Variants in VPS13D observed in about 807,000 individuals in gnomAD.
VPS13D encodes intermembrane lipid transfer protein VPS13D.
In VPS13D, 187 loss-of-function variants were observed where a neutral mutation model predicts 461.9. The observed-to-expected ratio is 0.40, with a 90% CI of 0.36 to 0.46. The LOEUF (loss-of-function observed/expected upper bound fraction) is 0.46, where lower values mean the gene tolerates loss of function less well. VPS13D is among the 20% of genes least tolerant of loss of function. The pLI is 0.60. For missense variants in VPS13D, 4,711 were observed against 5,364.9 expected, an observed-to-expected ratio of 0.88 and a Z score of 3.81; for synonymous variants, 1,951 against 1,986.3, an observed-to-expected ratio of 0.98 and a Z score of 0.47.
Position 12,256,448 on chromosome 1 carries a change from G to A in VPS13D, c.785G>A (p.Ser262Asn), listed in dbSNP as rs1287234055. 1 of 1,614,156 alleles carries A rather than the reference G, an allele frequency of 6.2e-7. No individual in the cohort carries two copies. Among genetic ancestry groups the A allele is most frequent in the Non-Finnish European group, 8.5e-7 (1 of 1,180,030 alleles). Residue 262 changes from serine (S) to asparagine (N), a missense_variant, in exon 8 of 70, where the codon AGT becomes AAT. Ser to Asn is a conservative substitution (Grantham distance 46). Coordinates refer to ENST00000620676, the MANE Select transcript of VPS13D (RefSeq NM_015378.4). Reference sequence around the variant, plus strand: ...AAGAAGCCCCTGCGGTCTCGGCACAGTCCCCGTATTGATTGTGATATTCAG... The same window carrying A: ...AAGAAGCCCCTGCGGTCTCGGCACAATCCCCGTATTGATTGTGATATTCAG... ...CSKKPLRSRH[S>N]PRIDCDIQLE...
chr1:12,254,015 A>T (rs1216650552), intron 7 of VPS13D, among the ~76,000 whole-genome samples, 189 bp downstream of exon 7: 4 of 152,136 alleles, frequency 2.6e-5, no homozygotes. Flanking sequence ...AACAATATAT[A>T]GTGCTTTGTT....
rs763265805 is a variant in VPS13D, at chr1:12,382,871, C to T, written c.11191-105C>T. 319 of 1,074,938 alleles carry T rather than the reference C, an allele frequency of 3.0e-4. 1 individual carries two copies. Among genetic ancestry groups the T allele is most frequent in the South Asian group, 4.6e-4 (29 of 62,998 alleles). 66.6% of individuals were successfully genotyped at this position (1,074,938 alleles called of 1,614,324 possible). A position where few individuals can be genotyped will look rare whatever the true frequency, so the allele number is the denominator to read the frequency against. On this transcript the variant is annotated intron_variant, in intron 57 of 69. Transcript: ENST00000620676. ...TTTGTTGCACATTGATCATGACCCT[C>T]CAGAGGAGAATGTAAATTTAGGAAC...
At chr1:12,411,927 T>G (rs1644735492) in intron 63 of VPS13D, among the ~76,000 whole-genome samples, 1 of 152,234 alleles carries the variant, frequency 6.6e-6, no homozygotes, top group Admixed American at 6.5e-5. Flanking sequence ...CCAAGCTCTC[T>G]TGAGGCTCAG....
At position 12,386,307 on chromosome 1, in the gene VPS13D, G is replaced by A. The variant is rs1172681808; in HGVS notation, c.11607G>A (p.Met3869Ile). Residue 3869 changes from methionine (M) to isoleucine (I), a missense_variant, in exon 60 of 70, where the codon ATG becomes ATA. By Grantham distance (10) the Met-to-Ile change is conservative (BLOSUM62 1). Transcript: ENST00000620676. ...ATACACAGCTGGCAACCAGTCACAT[G>A]CTTGAACTCAGCATACAGGATGTAC... is the stretch of plus-strand genomic sequence containing the variant. ...VHYTQLATSH[M>I]LELSIQDVQV... 1.2e-6 allele frequency: 2 copies of A among 1,611,490 alleles called. No individual in the cohort carries two copies. Among genetic ancestry groups the A allele is most frequent in the Non-Finnish European group, 1.7e-6 (2 of 1,178,996 alleles).
chr1:12,398,584 C>G (rs539585565), intron 60 of VPS13D, among the ~76,000 whole-genome samples: 25 of 152,112 alleles, frequency 1.6e-4, no homozygotes, highest in African/African-American at 4.3e-4. Flanking sequence ...TGGTGAACTT[C>G]GATGTGAGAC....
chr1:12,419,129 A>G (rs544381878), intron 65 of VPS13D, among the ~76,000 whole-genome samples: 44 of 152,160 alleles, frequency 2.9e-4, no homozygotes, highest in African/African-American at 9.9e-4. Context: ...CCCTACCCCC[A>G]CCCTCATCCT....
At position 12,355,966 on chromosome 1, in the gene VPS13D, G is replaced by C; in HGVS notation, c.9747G>C (p.Met3249Ile). The C allele has an allele frequency of 6.2e-7, 1 of 1,612,912 alleles. No homozygotes were observed. Among genetic ancestry groups the C allele is most frequent in the Non-Finnish European group, 8.5e-7 (1 of 1,179,350 alleles). The change falls in exon 48 of 70, where the codon ATG becomes ATC. Residue 3249 changes from methionine (M) to isoleucine (I), a missense_variant. This residue lies in a region of VPS13D where 4,411 missense variants were observed against 4,937.8 expected (regional missense o/e 0.89). Transcript: ENST00000620676. The part of the protein sequence containing the change: ...LLIPPGTQNY[M>I]VRMRLYDVNR... ...TTCCACCTGGAACCCAAAACTATAT[G>C]GTGAGAATGCGACTCTATGACGTCA...
At position 12,249,234 on chromosome 1, in the gene VPS13D, A is replaced by C. The variant is rs116415833; in HGVS notation, c.459A>C (p.Gln153His). ...RIVENIELKI[Q>H]DVHLRFEDGV... ...TTTTCTCTTTGCAGTTAAAAATTCA[A>C]GATGTCCATTTACGCTTTGAAGATG... Residue 153 changes from glutamine (Q) to histidine (H), a missense_variant, in exon 6 of 70, where the codon CAA (glutamine) becomes CAC (histidine). Gln to His is a conservative substitution (Grantham distance 24). This residue lies in a region of VPS13D where 4,411 missense variants were observed against 4,937.8 expected (regional missense o/e 0.89). Coordinates refer to ENST00000620676, the MANE Select transcript of VPS13D (RefSeq NM_015378.4). 1.7e-3 allele frequency: 2,684 copies of C among 1,612,106 alleles called. 5 individuals are homozygous for C. The highest frequency in any genetic ancestry group is 3.2e-3 in the Admixed American group (188 of 59,568).
At chr1:12,287,427 G>T (rs1183220697) in intron 21 of VPS13D, among the ~76,000 whole-genome samples, 1 of 151,274 alleles carries the variant, frequency 6.6e-6, no homozygotes, top group Non-Finnish European at 1.5e-5. Flanking sequence ...TACCTACTTT[G>T]TGGCAGGCAC....
At chr1:12,490,633 G>A (rs565894027) in intron 67 of VPS13D, among the ~76,000 whole-genome samples, 3 of 152,228 alleles carry the variant, frequency 2.0e-5, no homozygotes, top group South Asian at 4.2e-4. Flanking sequence ...CCACAGCATG[G>A]TGGGAGCTAC....
chr1:12,378,422 T>C lies in VPS13D; in HGVS notation c.10918-6T>C. 6.3e-7 allele frequency: 1 copy of C among 1,595,692 alleles called. No homozygotes were observed. Among genetic ancestry groups the C allele is most frequent in the Non-Finnish European group, 8.5e-7 (1 of 1,172,116 alleles). ...CTTTCTCTTTTTGCTTGTACCTACTTAACAGGAACCAGGAAAGCGTTCTCA... is the reference window on the plus strand; with the variant it reads ...CTTTCTCTTTTTGCTTGTACCTACTCAACAGGAACCAGGAAAGCGTTCTCA... On this transcript the variant is annotated splice_region_variant and splice_polypyrimidine_tract_variant and intron_variant, in intron 55 of 69. Transcript: ENST00000620676.
chr1:12,498,103 T>C (rs980188724), intron 68 of VPS13D, among the ~76,000 whole-genome samples: 2 of 152,234 alleles, frequency 1.3e-5, no homozygotes, highest in East Asian at 1.9e-4. Flanking sequence ...TGGAGCCTTA[T>C]ATACCTTGTC....
At chr1:12,301,609 T>C (rs1642427540) in intron 25 of VPS13D, among the ~76,000 whole-genome samples, 1 of 152,308 alleles carries the variant, frequency 6.6e-6, no homozygotes, top group East Asian at 1.9e-4. Context: ...CCCCATTGTT[T>C]AGGCTTTTAA....
intron 55 of VPS13D, among the ~76,000 whole-genome samples, chr1:12,377,586 G>A (rs943754620): frequency 6.6e-6 from 1 of 151,634 alleles, no homozygotes; most frequent in Non-Finnish European, 1.5e-5. Flanking sequence ...TTGGGAGGCC[G>A]AGGCAGACAG....
Position 12,277,346 on chromosome 1 carries a change from A to G in VPS13D, c.3758A>G (p.Tyr1253Cys). 6.2e-7 allele frequency: 1 copy of G among 1,614,200 alleles called. No homozygotes were observed. Among genetic ancestry groups the G allele is most frequent in the Non-Finnish European group, 8.5e-7 (1 of 1,180,040 alleles). ...GYENIISDIG[Y>C]FESVFVRMED... ...GAAAATATCATCAGTGATATTGGCT[A>G]CTTTGAATCTGTGTTTGTCAGAATG... Residue 1253 changes from tyrosine (Y) to cysteine (C), a missense_variant, in exon 19 of 70, where the codon TAC becomes TGC. Transcript: ENST00000620676.
intron 48 of VPS13D, 102 bp from the exon 49 acceptor site, chr1:12,356,296 T>A: frequency 6.9e-7 from 1 of 1,459,012 alleles, no homozygotes; most frequent in East Asian, 2.5e-5. Flanking sequence ...ATAGATTCAG[T>A]TTTCACTCTT....
intron 67 of VPS13D, among the ~76,000 whole-genome samples, chr1:12,468,133 T>C (rs1481250486): frequency 6.6e-6 from 1 of 152,248 alleles, no homozygotes; most frequent in Non-Finnish European, 1.5e-5. Flanking sequence ...TGAATTTGTT[T>C]TTAAAACTCT....
chr1:12,289,709 T>C lies in VPS13D; in HGVS notation c.5726-1289T>C, dbSNP rs1228478601. ...TGGCTCACGCCTGTAATCCTAGCACTTTGGGAGGCTGAGGTCAGGAGTTTG... is the reference window on the plus strand; with the variant it reads ...TGGCTCACGCCTGTAATCCTAGCACCTTGGGAGGCTGAGGTCAGGAGTTTG... On this transcript the variant is annotated intron_variant, in intron 22 of 69. Coordinates refer to ENST00000620676, the MANE Select transcript of VPS13D (RefSeq NM_015378.4). Among the ~76,000 whole-genome samples the C allele has an allele frequency of 3.3e-5, 5 of 152,148 alleles. No homozygotes were observed. In the South Asian group the frequency reaches 8.3e-4, roughly 25 times the overall value.
chr1:12,248,736 GTTTATGTGCC>G (rs1640639093), intron 5 of VPS13D, among the ~76,000 whole-genome samples: 1 of 152,180 alleles, frequency 6.6e-6, no homozygotes, highest in Admixed American at 6.5e-5. Flanking sequence ...TACATACATA[GTTTATGTGCC>G]TTGCTGGTTT....
Sources: allele counts gnomAD v4.1 joint callset (sites outside exome capture counted in the v4.1 genomes callset), GRCh38; gene constraint gnomAD v4.1.1; regional missense constraint gnomAD v4.1.1; transcripts MANE v1.5; gene names NCBI Gene and HGNC (gene_info 2026-07-23, HGNC 2026-07-21).